RBFOX1: variants seen among roughly 807,000 people sequenced by gnomAD.
RBFOX1 encodes the protein RNA binding protein fox-1 homolog 1.
A neutral mutation model predicts 57.7 loss-of-function variants in RBFOX1; 8 were observed. The ratio of observed to expected loss-of-function variants is 0.14; its 90% CI spans 0.08 to 0.25. The LOEUF (loss-of-function observed/expected upper bound fraction) is 0.25, where lower values mean the gene tolerates loss of function less well. Ranked by LOEUF, RBFOX1 falls within the 10% of genes least tolerant of loss-of-function variation. The pLI is 1.00. For synonymous variants in RBFOX1, 326 were observed against 222.4 expected (o/e 1.47, Z -4.15); for missense variants, 611 against 548.5 (o/e 1.11, Z -1.14).
chr16:6,931,917 G>C (rs112053606), intron 3 of RBFOX1, among the ~76,000 whole-genome samples: 8 of 152,142 alleles, frequency 5.3e-5, no homozygotes, highest in East Asian at 1.9e-4. Flanking sequence ...GGGAGGAGGC[G>C]AGGAGTAAGC....
At chr16:6,308,241 A>G (rs530908218) in intron 1 of RBFOX1, among the ~76,000 whole-genome samples, 49 of 152,308 alleles carry the variant, frequency 3.2e-4, no homozygotes, top group Admixed American at 2.5e-3. Flanking sequence ...CATCCTATAA[A>G]TGATCATCAT....
intron 4 of RBFOX1, among the ~76,000 whole-genome samples, chr16:7,506,082 G>C (rs1382149266): frequency 2.7e-5 from 4 of 150,902 alleles, no homozygotes; most frequent in African/African-American, 9.8e-5. Context: ...CTACTTGGGA[G>C]GCTGAGGCAG....
At chr16:6,626,294 C>G (rs942120076) in intron 2 of RBFOX1, among the ~76,000 whole-genome samples, 1 of 152,064 alleles carries the variant, frequency 6.6e-6, no homozygotes, top group African/African-American at 2.4e-5. Context: ...GACTCTTGCA[C>G]TAGAGGCCCA....
intron 2 of RBFOX1, among the ~76,000 whole-genome samples, chr16:5,550,533 C>T (rs532469488): frequency 3.9e-5 from 6 of 152,088 alleles, no homozygotes; most frequent in African/African-American, 1.2e-4. Flanking sequence ...GAAACAGATG[C>T]CCAGACATTG....
intron 1 of RBFOX1, among the ~76,000 whole-genome samples, chr16:5,263,292 T>A (rs571062886): frequency 2.0e-5 from 3 of 152,182 alleles, no homozygotes; most frequent in African/African-American, 7.2e-5. Flanking sequence ...ATAATTGCTG[T>A]TTTTGCCATT....
chr16:6,174,179 T>C (rs925259758), intron 1 of RBFOX1, among the ~76,000 whole-genome samples: 1 of 152,208 alleles, frequency 6.6e-6, no homozygotes, highest in Non-Finnish European at 1.5e-5. Flanking sequence ...TTGCCTTTAT[T>C]CCTCGAATTT....
At chr16:5,836,456 C>G (rs755342481) in intron 3 of RBFOX1, among the ~76,000 whole-genome samples, 2 of 152,214 alleles carry the variant, frequency 1.3e-5, no homozygotes, top group African/African-American at 4.8e-5. Context: ...CCCTGTTCTG[C>G]TCCCCATCTC....
At chr16:7,434,513 C>T (rs1430208936) in intron 4 of RBFOX1, among the ~76,000 whole-genome samples, 1 of 151,730 alleles carries the variant, frequency 6.6e-6, no homozygotes, top group East Asian at 1.9e-4. Context: ...TAAAAAAAAT[C>T]ATCAGGAGAT....
At chr16:6,022,681 C>T (rs2095107154) in intron 1 of RBFOX1, among the ~76,000 whole-genome samples, 1 of 152,054 alleles carries the variant, frequency 6.6e-6, no homozygotes, top group African/African-American at 2.4e-5. Flanking sequence ...GAGACCCTGC[C>T]TCAAAAACAA....
intron 3 of RBFOX1, among the ~76,000 whole-genome samples, chr16:5,692,973 G>C (rs1407076997): frequency 6.6e-6 from 1 of 152,136 alleles, no homozygotes; most frequent in Non-Finnish European, 1.5e-5. Flanking sequence ...GCAAACATCT[G>C]GACTCACTAC....
chr16:7,502,894 G>C (rs2071448969), intron 4 of RBFOX1, among the ~76,000 whole-genome samples: 1 of 152,070 alleles, frequency 6.6e-6, no homozygotes, highest in South Asian at 2.1e-4. Flanking sequence ...GTGGTGGCAG[G>C]TGCCTGTAAT....
intron 3 of RBFOX1, among the ~76,000 whole-genome samples, chr16:6,852,900 A>C (rs1234562314): frequency 2.0e-5 from 3 of 152,140 alleles, no homozygotes; most frequent in Admixed American, 6.5e-5. Context: ...TGTCCACACA[A>C]GGTGCATGCT....
At chr16:6,726,126 G>C (rs1297076536) in intron 3 of RBFOX1, among the ~76,000 whole-genome samples, 1 of 152,126 alleles carries the variant, frequency 6.6e-6, no homozygotes, top group African/African-American at 2.4e-5. Flanking sequence ...ACAGAGCCAG[G>C]AGGGGGCAGT....
intron 3 of RBFOX1, among the ~76,000 whole-genome samples, chr16:6,786,643 T>C (rs373159927): frequency 6.6e-6 from 1 of 152,138 alleles, no homozygotes; most frequent in Non-Finnish European, 1.5e-5. Context: ...TGGATGGTGC[T>C]CTGTGCGCAT....
rs554543305 is a variant in RBFOX1 at position 5,640,308 on chromosome 16, T to C, written c.318+41347T>C. Among the ~76,000 whole-genome samples the C allele has an allele frequency of 3.9e-5, 6 of 152,278 alleles. No homozygotes were observed. The East Asian group carries it at 9.7e-4, about 25-fold the overall frequency. On this transcript the variant is annotated intron_variant, in intron 3 of 19. Coordinates refer to the RBFOX1 transcript ENST00000641259. ...AGTACTGTGAATGGGAGAGAGTATT[T>C]AATTTTGCACATGCACACAGAGACA...
At chr16:6,572,882 G>T (rs1056798802) in intron 2 of RBFOX1, among the ~76,000 whole-genome samples, 1 of 152,000 alleles carries the variant, frequency 6.6e-6, no homozygotes, top group Non-Finnish European at 1.5e-5. Flanking sequence ...GAGTGATCCC[G>T]CATGCCCAGC....
intron 3 of RBFOX1, among the ~76,000 whole-genome samples, chr16:7,018,459 G>A (rs1436246934): frequency 3.9e-5 from 6 of 152,088 alleles, no homozygotes; most frequent in African/African-American, 1.2e-4. Context: ...GAAATACAAC[G>A]TCTAATCCAG....
At chr16:7,577,052 G>T (rs962879740) in intron 5 of RBFOX1, among the ~76,000 whole-genome samples, 1 of 152,188 alleles carries the variant, frequency 6.6e-6, no homozygotes, top group Admixed American at 6.5e-5. Context: ...TGCTCTGTTT[G>T]GGTTTCAGTG....
chr16:5,644,042 G>C (rs570305660), intron 3 of RBFOX1, among the ~76,000 whole-genome samples: 1 of 152,290 alleles, frequency 6.6e-6, no homozygotes, highest in African/African-American at 2.4e-5. Context: ...GTCGTACACA[G>C]AGGACTCTTC....
Sources: gnomAD v4.1 joint callset for allele counts (sites outside exome capture counted in the v4.1 genomes callset) on GRCh38, gnomAD v4.1.1 for gene constraint, MANE v1.5 for transcripts, NCBI Gene and HGNC (gene_info 2026-07-23, HGNC 2026-07-21) for gene names.